Variants in CADPS observed in about 807,000 individuals in gnomAD.
CADPS encodes the protein calcium dependent secretion activator, also known as calcium-dependent secretion activator 1.
Under a neutral mutation model 167.3 loss-of-function variants are expected in CADPS, and 57 were observed. The observed-to-expected ratio is 0.34, with a 90% CI of 0.28 to 0.42. CADPS has a LOEUF of 0.42. Among genes scored for constraint, CADPS ranks in the 20% least tolerant of loss-of-function variants. The pLI, the probability that CADPS is intolerant of heterozygous loss-of-function variation, is 1.00. For missense variants in CADPS, 1,414 were observed against 1,738.1 expected, an observed-to-expected ratio of 0.81 and a Z score of 3.32; for synonymous variants, 676 against 635.3, an observed-to-expected ratio of 1.06 and a Z score of -0.96.
Position 62,514,389 on chromosome 3 carries a change from G to A in CADPS, c.2582-1621C>T, listed in dbSNP as rs967253682. 6.6e-6 allele frequency among the ~76,000 whole-genome samples: 1 copy of A among 152,170 alleles called. No homozygotes were observed. Among genetic ancestry groups the A allele is most frequent in the African/African-American group, 2.4e-5 (1 of 41,546 alleles). ...GCAGAGGTCACATTAAAGTGGCTGAGCCAATCACGGACAAGGAAGGAGAGA... is the reference window on the plus strand; with the variant it reads ...GCAGAGGTCACATTAAAGTGGCTGAACCAATCACGGACAAGGAAGGAGAGA... On this transcript the variant is annotated intron_variant, in intron 16 of 29. Transcript: ENST00000383710. The surrounding 1 kb of genome is among the most constrained non-coding windows in gnomAD (Gnocchi z 4.2).
At chr3:62,760,922 A>G (rs532707788) in intron 2 of CADPS, among the ~76,000 whole-genome samples, 1 of 152,250 alleles carries the variant, frequency 6.6e-6, no homozygotes, top group South Asian at 2.1e-4. Flanking sequence ...CTTTCTCATT[A>G]CATAGTTGCA....
chr3:62,498,626 T>C (rs1371513586), intron 18 of CADPS, among the ~76,000 whole-genome samples: 1 of 152,080 alleles, frequency 6.6e-6, no homozygotes, highest in Non-Finnish European at 1.5e-5. Context: ...TATATTTATT[T>C]AGATGTATGT....
At chr3:62,760,029 A>G (rs2085001017) in intron 2 of CADPS, among the ~76,000 whole-genome samples, 1 of 152,132 alleles carries the variant, frequency 6.6e-6, no homozygotes, top group African/African-American at 2.4e-5. Flanking sequence ...GTGCTAGATT[A>G]GGAGCAAAAG....
intron 7 of CADPS, among the ~76,000 whole-genome samples, chr3:62,591,972 T>A (rs1386923900): frequency 6.6e-6 from 1 of 152,150 alleles, no homozygotes; most frequent in Non-Finnish European, 1.5e-5. Context: ...TACGTGGAGA[T>A]CTTAACTCTT....
At chr3:62,702,762 G>C (rs2081624477) in intron 3 of CADPS, among the ~76,000 whole-genome samples, 1 of 152,074 alleles carries the variant, frequency 6.6e-6, no homozygotes, top group African/African-American at 2.4e-5. Context: ...TGCAACTGAG[G>C]AATTAAACTT....
At chr3:62,556,346 C>T (rs927669744) in intron 10 of CADPS, among the ~76,000 whole-genome samples, 10 of 152,178 alleles carry the variant, frequency 6.6e-5, no homozygotes, top group African/African-American at 1.7e-4. Context: ...CCCAGTCACT[C>T]GGTTGAGATT....
At chr3:62,445,728 A>AC in intron 27 of CADPS, 37 bp downstream of exon 27, 2 of 1,360,730 alleles carry the variant, frequency 1.5e-6, no homozygotes, top group Non-Finnish European at 2.0e-6. Flanking sequence ...AAAAAAAAAC[A>AC]AAAAAACCCC....
Position 62,458,344 on chromosome 3 carries a change from T to C in CADPS, c.3636+7023A>G, listed in dbSNP as rs1392430990. The stretch of plus-strand genomic sequence containing the variant: ...GTTTCTGTTAGTCTGGGCTTCACAG[T>C]CACACCTTTATCTTAATCACTCTCT... On this transcript the variant is annotated intron_variant, in intron 26 of 29. Transcript: ENST00000383710. This position sits in a 1 kb window ranked among gnomAD's most constrained non-coding sequence, Gnocchi z 4.6. Among the ~76,000 whole-genome samples, 1 of 152,200 alleles carries C rather than the reference T, an allele frequency of 6.6e-6. No homozygotes were observed. Among genetic ancestry groups the C allele is most frequent in the Admixed American group, 6.5e-5 (1 of 15,280 alleles).
chr3:62,663,954 G>A (rs1206292253), intron 3 of CADPS, among the ~76,000 whole-genome samples: 1 of 152,180 alleles, frequency 6.6e-6, no homozygotes, highest in Admixed American at 6.5e-5. Flanking sequence ...CTGTTACAAA[G>A]TCTTCGAGAA....
In CADPS at chr3:62,712,962, G is replaced by T. The variant is rs900284386; in HGVS notation, c.888+40479C>A. Among the ~76,000 whole-genome samples the T allele has an allele frequency of 3.3e-5, 5 of 152,264 alleles. No individual in the cohort carries two copies. In the East Asian group the frequency reaches 9.7e-4, roughly 29 times the overall value. ...TGCAAATGAGCCAGCCTCAAACCTG[G>T]CCAATTCTGAGAATTCTAGAGTAAC... is the stretch of plus-strand genomic sequence containing the variant. On this transcript the variant is annotated intron_variant, in intron 3 of 29. Coordinates refer to ENST00000383710, the MANE Select transcript of CADPS (RefSeq NM_003716.4).
At chr3:62,454,034 A>C (rs2058396959) in intron 26 of CADPS, among the ~76,000 whole-genome samples, 1 of 152,226 alleles carries the variant, frequency 6.6e-6, no homozygotes, top group African/African-American at 2.4e-5. Flanking sequence ...AGCTCACCAG[A>C]TGTCCATTGC....
At chr3:62,424,225 C>T (rs1444385586) in intron 28 of CADPS, among the ~76,000 whole-genome samples, 1 of 152,136 alleles carries the variant, frequency 6.6e-6, no homozygotes, top group African/African-American at 2.4e-5. Context: ...ACTCTGTCAC[C>T]CAGGTTGGAG....
intron 3 of CADPS, among the ~76,000 whole-genome samples, chr3:62,732,204 C>T (rs1342493509): frequency 3.9e-5 from 6 of 152,102 alleles, no homozygotes; most frequent in Non-Finnish European, 8.8e-5. Flanking sequence ...TGACTTGCTC[C>T]TAACAAATCA....
Position 62,648,691 on chromosome 3 carries a change from C to CAAAAAAAAAAAAAAAAAAAAAAAAAAA in CADPS, c.1203+2155_1203+2156insTTTTTTTTTTTTTTTTTTTTTTTTTTT, listed in dbSNP as rs55665003. Reference sequence around the variant, plus strand: ...TGGGCAACAGAGTGAGACGTTGTGTCAAAAAAAAAAAAAAGAGGAAAGAAA... The same window carrying CAAAAAAAAAAAAAAAAAAAAAAAAAAA: ...TGGGCAACAGAGTGAGACGTTGTGTCAAAAAAAAAAAAAAAAAAAAAAAAAAAAAAAAAAAAAAAAAGAGGAAAGAAA... On this transcript the variant is annotated intron_variant, in intron 5 of 29. Transcript: ENST00000383710. Among the ~76,000 whole-genome samples, 30 of 54,530 alleles carry CAAAAAAAAAAAAAAAAAAAAAAAAAAA rather than the reference C, an allele frequency of 5.5e-4. 6 individuals are homozygous for CAAAAAAAAAAAAAAAAAAAAAAAAAAA. The highest frequency in any genetic ancestry group is 1.7e-3 in the African/African-American group (29 of 16,726). 35.8% of individuals were successfully genotyped at this position (54,530 alleles called of 152,430 possible).
intron 28 of CADPS, among the ~76,000 whole-genome samples, chr3:62,425,966 T>A (rs1325559509): frequency 3.9e-5 from 6 of 152,162 alleles, no homozygotes; most frequent in Admixed American, 3.9e-4. Flanking sequence ...GGATATTACT[T>A]TAGTCTAAGA....
At chr3:62,403,277 GT>G in intron 28 of CADPS, 92 bp from the exon 29 acceptor site, 4 of 782,240 alleles carry the variant, frequency 5.1e-6, no homozygotes, top group Non-Finnish European at 8.7e-6. Context: ...ACCCCACTCT[GT>G]TCCAGGAGGA....
chr3:62,681,095 C>T (rs1452391440), intron 3 of CADPS, among the ~76,000 whole-genome samples: 1 of 152,014 alleles, frequency 6.6e-6, no homozygotes, highest in Non-Finnish European at 1.5e-5. Context: ...GTTTTCTTGG[C>T]TGGGAACACA....
intron 2 of CADPS, among the ~76,000 whole-genome samples, chr3:62,760,929 T>C (rs980964894): frequency 2.0e-5 from 3 of 152,160 alleles, no homozygotes; most frequent in Non-Finnish European, 2.9e-5. Context: ...ATTACATAGT[T>C]GCAGTGGGAT....
intron 1 of CADPS, among the ~76,000 whole-genome samples, chr3:62,826,523 T>A (rs914835333): frequency 3.3e-5 from 5 of 152,054 alleles, no homozygotes; most frequent in Non-Finnish European, 7.4e-5. Flanking sequence ...TTTTTAGAAG[T>A]TGGTGTGATG....
Sources: gnomAD v4.1 joint callset for allele counts (sites outside exome capture counted in the v4.1 genomes callset) on GRCh38, gnomAD v4.1.1 for gene constraint, Gnocchi (gnomAD v3.1) non-coding constraint, MANE v1.5 for transcripts, NCBI Gene and HGNC (gene_info 2026-07-23, HGNC 2026-07-21) for gene names.